GRHL3: variants seen among roughly 807,000 people sequenced by gnomAD.
GRHL3 encodes the protein grainyhead-like protein 3 homolog.
In GRHL3, 20 loss-of-function variants were observed where a neutral mutation model predicts 70.3. The observed-to-expected ratio is 0.28, with a 90% CI of 0.20 to 0.41. The LOEUF is 0.41. Among genes scored for constraint, GRHL3 ranks in the 10% least tolerant of loss-of-function variants. The pLI is 1.00. For missense variants in GRHL3, 637 were observed against 762.3 expected (o/e 0.84, Z 1.94); for synonymous variants, 299 against 299.9 (o/e 1.00, Z 0.03).
At chr1:24,339,472 G>C (rs1043818266) in intron 7 of GRHL3, among the ~76,000 whole-genome samples, 196 bp from the exon 8 acceptor site, 6 of 151,996 alleles carry the variant, frequency 3.9e-5, no homozygotes, top group African/African-American at 7.2e-5. Context: ...GTAGAAACAG[G>C]GTTTCACCAT....
chr1:24,344,771 A>G (rs909674794), intron 11 of GRHL3, 126 bp from the exon 12 acceptor site: 5 of 1,000,536 alleles, frequency 5.0e-6, no homozygotes, highest in Non-Finnish European at 7.9e-6. Flanking sequence ...ATGGGCTAGA[A>G]AGGCATTGTA....
intron 12 of GRHL3, among the ~76,000 whole-genome samples, 194 bp from the exon 13 acceptor site, chr1:24,346,359 T>C (rs1640283919): frequency 2.0e-5 from 3 of 152,192 alleles, no homozygotes; most frequent in South Asian, 4.1e-4. Flanking sequence ...ACACACCTAG[T>C]GCGTGGCAGG....
At chr1:24,338,839 C>G (rs1302289414) in intron 7 of GRHL3, among the ~76,000 whole-genome samples, 1 of 152,218 alleles carries the variant, frequency 6.6e-6, no homozygotes, top group African/African-American at 2.4e-5. Context: ...GCTGAGTGAC[C>G]TTAGCCAAGT....
chr1:24,363,917 A>T (rs576316362), intron 15 of GRHL3, among the ~76,000 whole-genome samples: 1 of 152,272 alleles, frequency 6.6e-6, no homozygotes, highest in African/African-American at 2.4e-5. Flanking sequence ...TCAACCCTCC[A>T]TTCACCAGTG....
downstream of GRHL3, chr1:24,358,350 A>C (rs1640860760): frequency 1.4e-6 from 1 of 699,802 alleles, no homozygotes; most frequent in Admixed American, 2.0e-5. Context: ...TGAAGTCTCC[A>C]GGGAGCAATG....
In GRHL3 at chr1:24,319,851, A is replaced by G. The variant is rs1639113701; in HGVS notation, c.17+283A>G. 3.6e-6 allele frequency: 3 copies of G among 825,506 alleles called. No homozygotes were observed. In the Admixed American group the frequency reaches 9.6e-5, roughly 26 times the overall value. The allele number at this position is 825,506 out of a possible 1,614,324, so 51.1% of individuals were successfully genotyped here. On this transcript the variant is annotated intron_variant, in intron 1 of 15. Transcript: ENST00000361548. Reference sequence around the variant, plus strand: ...TGAAACTGTGAAGGTTTCTGGCACCACTTTTTGATCCTCTGAAGGGGCCTT... The same window carrying G: ...TGAAACTGTGAAGGTTTCTGGCACCGCTTTTTGATCCTCTGAAGGGGCCTT...
rs751500582 is a variant in GRHL3 at position 24,343,045 on chromosome 1, C to G, written c.1419+20C>G. 6.2e-7 allele frequency: 1 copy of G among 1,613,894 alleles called. No individual in the cohort carries two copies. Among genetic ancestry groups the G allele is most frequent in the Non-Finnish European group, 8.5e-7 (1 of 1,179,884 alleles). On this transcript the variant is annotated intron_variant, in intron 11 of 15. Coordinates refer to ENST00000361548, the MANE Select transcript of GRHL3 (RefSeq NM_198173.3). ...GGAGGGGTGAGGCCAGGGCTGGGGT[C>G]TCGGGAAGGAGCCGAGAGAGGGTCC...
rs1639880238 is a variant in GRHL3 at position 24,337,762 on chromosome 1, C to A, written c.813C>A (p.Gly271=). The change falls in exon 6 of 16, where the codon GGC becomes GGA. Residue 271 remains glycine (G), a synonymous_variant. Coordinates refer to ENST00000361548, the MANE Select transcript of GRHL3 (RefSeq NM_198173.3). ...VTLRTPAGGK[G]LALSSNKVKS... is the part of the protein sequence containing the mutation. Reference sequence around the variant, plus strand: ...TGCGGACCCCAGCAGGTGGCAAAGGCCTTGCCTTGTCCTCCAACAAAGTCA... The same window carrying A: ...TGCGGACCCCAGCAGGTGGCAAAGGACTTGCCTTGTCCTCCAACAAAGTCA... 4 of 1,614,116 alleles carry A rather than the reference C, an allele frequency of 2.5e-6. No homozygotes were observed. Among genetic ancestry groups the A allele is most frequent in the African/African-American group, 1.3e-5 (1 of 74,942 alleles).
rs1276355647 is a variant in GRHL3 at position 24,350,121 on chromosome 1, G to A, written c.1693G>A (p.Gly565Arg). 1 of 1,613,192 alleles carries A rather than the reference G, an allele frequency of 6.2e-7. No individual in the cohort carries two copies. The highest frequency in any genetic ancestry group is 2.2e-5 in the East Asian group (1 of 44,854). Residue 565 changes from glycine to arginine, a missense_variant and splice_region_variant, in exon 15 of 16, where the codon GGA (glycine) becomes AGA (arginine). Transcript: ENST00000361548. ...CAAAGTCTACAAGAAATGCAAGCGAGGGTGAGTGCCTAGTTCACCCTCCCC... is the reference window on the plus strand; with the variant it reads ...CAAAGTCTACAAGAAATGCAAGCGAAGGTGAGTGCCTAGTTCACCCTCCCC... ...IYKVYKKCKR[G>R]ILVNMDNNII... is the part of the protein sequence containing the mutation.
At chr1:24,329,360 T>G (rs1639517029) in intron 1 of GRHL3, among the ~76,000 whole-genome samples, 1 of 152,224 alleles carries the variant, frequency 6.6e-6, no homozygotes, top group Non-Finnish European at 1.5e-5. Flanking sequence ...AGGAGGGTAC[T>G]TCATGCACCT....
At chr1:24,343,648 C>G (rs373289710) in intron 11 of GRHL3, among the ~76,000 whole-genome samples, 14 of 152,124 alleles carry the variant, frequency 9.2e-5, no homozygotes, top group Non-Finnish European at 1.9e-4. Context: ...AGCTGTCCTC[C>G]GAGAGACTGC....
At chr1:24,344,876 G>A in intron 11 of GRHL3, 21 bp from the exon 12 acceptor site, 1 of 1,613,656 alleles carries the variant, frequency 6.2e-7, no homozygotes, top group South Asian at 1.1e-5. Context: ...GATGGAAAAT[G>A]TCTTTTTCAC....
Position 24,331,623 on chromosome 1 carries a change from C to T in GRHL3, c.204+11C>T. The stretch of plus-strand genomic sequence containing the variant: ...TATGATTACTACATGGTACGTCTAC[C>T]CCCTCTGGACATGCCCCGTTTTGAC... On this transcript the variant is annotated intron_variant, in intron 2 of 15. Transcript: ENST00000361548. 6.2e-7 allele frequency: 1 copy of T among 1,604,378 alleles called. No individual in the cohort carries two copies. The highest frequency in any genetic ancestry group is 8.5e-7 in the Non-Finnish European group (1 of 1,173,954).
At chr1:24,319,895 A>C in intron 1 of GRHL3, 1 of 458,338 alleles carries the variant, frequency 2.2e-6, no homozygotes, top group Non-Finnish European at 3.8e-6. Flanking sequence ...GACGACCCCA[A>C]TCCCATCGAG....
intron 1 of GRHL3, among the ~76,000 whole-genome samples, chr1:24,328,969 G>A (rs1308746455): frequency 1.3e-5 from 2 of 152,110 alleles, no homozygotes; most frequent in African/African-American, 4.8e-5. Context: ...ATTAGCTCCG[G>A]GCTGGGCAGA....
downstream of GRHL3, among the ~76,000 whole-genome samples, chr1:24,356,289 CTGGAG>C (rs1640716595): frequency 6.6e-6 from 1 of 151,850 alleles, no homozygotes; most frequent in Non-Finnish European, 1.5e-5. Context: ...GTCGCCCAGG[CTGGAG>C]TGGAGTGGCA....
At position 24,319,747 on chromosome 1, in the gene GRHL3, GGTGA is replaced by G. The variant is rs756317365; in HGVS notation, c.17+183_17+186del. 4.2e-4 allele frequency: 636 copies of G among 1,519,628 alleles called. 1 individual carries two copies. The highest frequency in any genetic ancestry group is 3.6e-3 in the Middle Eastern group (15 of 4,152). The allele number at this position is 1,519,628 out of a possible 1,614,324, so 94.1% of individuals were successfully genotyped here. A position where few individuals can be genotyped will look rare whatever the true frequency, so the allele number is the denominator to read the frequency against. The stretch of plus-strand genomic sequence containing the variant: ...AGGCAAGCCCCAGTCTCAAGCTAGA[GGTGA>G]GTGTTTCCCTGGGAAAATAGTTTTT... On this transcript the variant is annotated intron_variant, in intron 1 of 15. Coordinates refer to ENST00000361548, the MANE Select transcript of GRHL3 (RefSeq NM_198173.3).
chr1:24,326,043 A>G (rs975606271), intron 1 of GRHL3, among the ~76,000 whole-genome samples: 11 of 152,184 alleles, frequency 7.2e-5, no homozygotes, highest in Admixed American at 6.5e-4. Flanking sequence ...GACAGTCATA[A>G]CTTCCCTCCC....
chr1:24,353,023 C>T (rs771631196), intron 15 of GRHL3, among the ~76,000 whole-genome samples: 3 of 152,218 alleles, frequency 2.0e-5, no homozygotes, highest in Non-Finnish European at 4.4e-5. Context: ...TCTCCCATAG[C>T]CCTGGATTTT....
Sources: allele counts gnomAD v4.1 joint callset (sites outside exome capture counted in the v4.1 genomes callset), GRCh38; gene constraint gnomAD v4.1.1; transcripts MANE v1.5; gene names NCBI Gene and HGNC (gene_info 2026-07-23, HGNC 2026-07-21).